KCNJ16: variants seen among roughly 807,000 people sequenced by gnomAD.
KCNJ16 encodes the protein potassium inwardly rectifying channel subfamily J member 16, also known as inward rectifier potassium channel 16.
A neutral mutation model predicts 18.5 loss-of-function variants in KCNJ16; 15 were observed. That is an observed-to-expected ratio of 0.81 (90% confidence interval 0.54 to 1.25). The LOEUF (loss-of-function observed/expected upper bound fraction) is 1.25. Ranked by LOEUF, KCNJ16 falls within the 50% of genes most tolerant of loss-of-function variation. The pLI, the probability that KCNJ16 is intolerant of heterozygous loss-of-function variation, is 0.00. For missense variants in KCNJ16, 523 were observed against 525.7 expected (o/e 0.99, Z 0.05); for synonymous variants, 174 against 186.5 (o/e 0.93, Z 0.55).
At chr17:70,123,755 A>G (rs979440809) in intron 2 of KCNJ16, among the ~76,000 whole-genome samples, 1 of 152,186 alleles carries the variant, frequency 6.6e-6, no homozygotes, top group East Asian at 1.9e-4. Flanking sequence ...TGATCTTCAT[A>G]TTCCTGCCCT....
chr17:70,126,886 T>G (rs1184273986), intron 2 of KCNJ16, among the ~76,000 whole-genome samples: 1 of 152,140 alleles, frequency 6.6e-6, no homozygotes, highest in Non-Finnish European at 1.5e-5. Flanking sequence ...AAAACAGCAT[T>G]TGGGGAGAGG....
chr17:70,110,789 C>A (rs1425059167), intron 2 of KCNJ16, among the ~76,000 whole-genome samples: 1 of 152,134 alleles, frequency 6.6e-6, no homozygotes, highest in Non-Finnish European at 1.5e-5. Flanking sequence ...CAACTGGAAA[C>A]ATTCTTCTGC....
At chr17:70,121,805 T>C (rs930470725) in intron 2 of KCNJ16, among the ~76,000 whole-genome samples, 1 of 151,522 alleles carries the variant, frequency 6.6e-6, no homozygotes, top group East Asian at 2.0e-4. Context: ...AAAAAAAAAA[T>C]ACAAAAAATT....
At chr17:70,085,416 G>T (rs2071749967) in intron 1 of KCNJ16, among the ~76,000 whole-genome samples, 1 of 152,168 alleles carries the variant, frequency 6.6e-6, no homozygotes, top group Admixed American at 6.5e-5. Context: ...GCCAGTAAAT[G>T]ACATAGCTAG....
At chr17:70,124,561 A>G (rs143226154) in intron 2 of KCNJ16, among the ~76,000 whole-genome samples, 1 of 152,294 alleles carries the variant, frequency 6.6e-6, no homozygotes, top group East Asian at 1.9e-4. Context: ...TTTTACAGGA[A>G]CATCAGATCT....
intron 1 of KCNJ16, among the ~76,000 whole-genome samples, chr17:70,084,184 T>G (rs746580562): frequency 2.6e-5 from 4 of 152,172 alleles, no homozygotes; most frequent in African/African-American, 4.8e-5. Flanking sequence ...CACTTCCACC[T>G]TACATAAGTC....
chr17:70,097,198 A>G (rs1169884568), intron 1 of KCNJ16, among the ~76,000 whole-genome samples: 2 of 152,206 alleles, frequency 1.3e-5, no homozygotes, highest in Middle Eastern at 6.8e-3. Context: ...CGTTCACTGC[A>G]TTACGGGGAT....
At chr17:70,082,270 T>G (rs1334383803) in intron 1 of KCNJ16, among the ~76,000 whole-genome samples, 1 of 152,162 alleles carries the variant, frequency 6.6e-6, no homozygotes, top group East Asian at 1.9e-4. Context: ...TGGGGAAATG[T>G]GAGAAGTTCA....
intron 1 of KCNJ16, among the ~76,000 whole-genome samples, chr17:70,090,831 C>A (rs1238897108): frequency 6.6e-6 from 1 of 152,200 alleles, no homozygotes; most frequent in African/African-American, 2.4e-5. Context: ...AAGTGTCAAC[C>A]ATTTTGTTTA....
At chr17:70,126,085 TG>T (rs1303236409) in intron 2 of KCNJ16, among the ~76,000 whole-genome samples, 1 of 152,040 alleles carries the variant, frequency 6.6e-6, no homozygotes, top group Non-Finnish European at 1.5e-5. Flanking sequence ...AAAAAAATCA[TG>T]GGGGAGATGT....
intron 2 of KCNJ16, among the ~76,000 whole-genome samples, chr17:70,106,644 T>C (rs1467096505): frequency 6.6e-6 from 1 of 152,222 alleles, no homozygotes; most frequent in African/African-American, 2.4e-5. Context: ...TGACAACTAA[T>C]ACCAGCCCTG....
chr17:70,111,057 T>A (rs1185366192), intron 2 of KCNJ16, among the ~76,000 whole-genome samples: 1 of 152,108 alleles, frequency 6.6e-6, no homozygotes, highest in Non-Finnish European at 1.5e-5. Context: ...ACAACCCTGG[T>A]GTCTGGAGTT....
At chr17:70,101,777 A>G (rs982230569) in intron 2 of KCNJ16, 2 of 88,856 alleles carry the variant, frequency 2.3e-5, no homozygotes, top group Non-Finnish European at 4.7e-5. Flanking sequence ...TTAGCCACTC[A>G]TCCATTTTTT....
At chr17:70,104,958 C>CT (rs2072846142) in intron 2 of KCNJ16, 1 of 139,120 alleles carries the variant, frequency 7.2e-6, no homozygotes, top group Non-Finnish European at 1.7e-5. Flanking sequence ...GTGCTGACAG[C>CT]TTCAGAAGGG....
At chr17:70,076,213 G>A (rs1406980578) in intron 1 of KCNJ16, among the ~76,000 whole-genome samples, 3 of 152,052 alleles carry the variant, frequency 2.0e-5, no homozygotes, top group Admixed American at 1.3e-4. Context: ...GAGTATTTCT[G>A]CTAAATATTA....
intron 3 of KCNJ16, 132 bp downstream of exon 3, chr17:70,131,107 G>A (rs761381026): frequency 2.3e-5 from 24 of 1,032,968 alleles, no homozygotes; most frequent in Non-Finnish European, 3.0e-5. Context: ...CAATTGTAGC[G>A]TGCTCCCTTT....
At chr17:70,098,854 G>GA (rs2072501164) in intron 1 of KCNJ16, among the ~76,000 whole-genome samples, 1 of 152,156 alleles carries the variant, frequency 6.6e-6, no homozygotes, top group Non-Finnish European at 1.5e-5. Flanking sequence ...CAATAATTAT[G>GA]AATTAAAATA....
chr17:70,117,179 T>A (rs1477873803), intron 2 of KCNJ16, among the ~76,000 whole-genome samples: 2 of 152,152 alleles, frequency 1.3e-5, no homozygotes, highest in Non-Finnish European at 1.5e-5. Flanking sequence ...AAGGCCATTA[T>A]CCTAAGTGAA....
Position 70,107,480 on chromosome 17 carries a change from A to AT in KCNJ16, c.-191+6723dup, listed in dbSNP as rs887239123. ...CCTTGTAGCCATTCTGCTGAGTTGT[A>AT]TTTTTTTTTCATTGTTGCTTAGAAG... On this transcript the variant is annotated intron_variant, in intron 2 of 3. Transcript: ENST00000392671. 7.9e-5 allele frequency among the ~76,000 whole-genome samples: 12 copies of AT among 151,278 alleles called. No homozygotes were observed. The East Asian group carries it at 1.4e-3, about 17-fold the overall frequency.
Sources: allele counts gnomAD v4.1 joint callset (sites outside exome capture counted in the v4.1 genomes callset), GRCh38; gene constraint gnomAD v4.1.1; transcripts MANE v1.5; gene names NCBI Gene and HGNC (gene_info 2026-07-23, HGNC 2026-07-21).